The following HERC5 variants were observed in gnomAD, a reference collection of about 807,000 sequenced individuals.
HERC5 encodes HECT and RLD domain containing E3 ubiquitin protein ligase 5, also known as E3 ISG15--protein ligase HERC5.
Under a neutral mutation model 119.6 loss-of-function variants are expected in HERC5, and 99 were observed. The ratio of observed to expected loss-of-function variants is 0.83; its 90% CI spans 0.70 to 0.98. The LOEUF (loss-of-function observed/expected upper bound fraction) is 0.98, where lower values mean the gene tolerates loss of function less well. Among genes scored for constraint, HERC5 ranks in the 50% least tolerant of loss-of-function variants. The probability of loss-of-function intolerance (pLI) is 0.00; values close to 1 mark genes in which losing one functional copy is unlikely to be tolerated. For missense variants in HERC5, 1,267 were observed against 1,241.3 expected, an observed-to-expected ratio of 1.02 and a Z score of -0.31; for synonymous variants, 478 against 445.9, an observed-to-expected ratio of 1.07 and a Z score of -0.91.
intron 11 of HERC5, among the ~76,000 whole-genome samples, chr4:88,474,988 A>C (rs1234413937): frequency 7.2e-5 from 11 of 152,180 alleles, no homozygotes; most frequent in African/African-American, 2.7e-4. Context: ...AAACAGTTGC[A>C]TTCTGAATTG....
Position 88,475,962 on chromosome 4 carries a change from G to A in HERC5, c.1514G>A (p.Trp505Ter). ...CCTATGATGCATATTTCCAACAACT[G>A]GGAGAGCCTTGTGGTTCCATTTGCA... Reference protein sequence around the residue: ...ECPMMHISNNWESLVVPFAKV... With the variant: ...ECPMMHISNN Residue 505 changes from tryptophan to a stop codon, truncating the protein, a stop_gained, in exon 12 of 23, where the codon TGG (tryptophan) becomes TAG (stop). Coordinates refer to ENST00000264350, the MANE Select transcript of HERC5 (RefSeq NM_016323.4). LOFTEE classifies it high-confidence loss of function. The A allele has an allele frequency of 6.2e-7, 1 of 1,613,974 alleles. No homozygotes were observed. Among genetic ancestry groups the A allele is most frequent in the South Asian group, 1.1e-5 (1 of 91,068 alleles).
intron 17 of HERC5, 50 bp downstream of exon 17, chr4:88,493,205 C>G: frequency 6.5e-7 from 1 of 1,529,710 alleles, no homozygotes; most frequent in Non-Finnish European, 8.9e-7. Flanking sequence ...AAAAAGTACA[C>G]CATATACCAT....
At position 88,466,053 on chromosome 4, in the gene HERC5, G is replaced by C. The variant is rs868179537; in HGVS notation, c.912-1006G>C. On this transcript the variant is annotated intron_variant, in intron 6 of 22. Coordinates refer to ENST00000264350, the MANE Select transcript of HERC5 (RefSeq NM_016323.4). ...CATCTAGTCAGAGGAGTTCACCCAA[G>C]TCAAGACCAAGTCAAGAGTTGTTTT... 4.0e-5 allele frequency among the ~76,000 whole-genome samples: 6 copies of C among 150,552 alleles called. No individual in the cohort carries two copies. The South Asian group carries it at 8.4e-4, about 21-fold the overall frequency.
chr4:88,501,356 TG>T (rs1300847153), intron 20 of HERC5, among the ~76,000 whole-genome samples: 2 of 152,244 alleles, frequency 1.3e-5, no homozygotes, highest in Admixed American at 6.5e-5. Context: ...GGCAGGGACT[TG>T]GTATGTATTC....
At chr4:88,470,938 T>A (rs1740849834) in intron 10 of HERC5, among the ~76,000 whole-genome samples, 1 of 151,352 alleles carries the variant, frequency 6.6e-6, no homozygotes, top group Non-Finnish European at 1.5e-5. Flanking sequence ...TGTATTCTTT[T>A]AAAAAAAATG....
Position 88,500,820 on chromosome 4 carries a change from T to C in HERC5, c.2512-95T>C, listed in dbSNP as rs563362156. 9.4e-5 allele frequency: 90 copies of C among 960,206 alleles called. No individual in the cohort carries two copies. In the African/African-American group the frequency reaches 1.4e-3, roughly 14 times the overall value. The allele number at this position is 960,206 out of a possible 1,614,324, so 59.5% of individuals were successfully genotyped here. On this transcript the variant is annotated intron_variant, in intron 19 of 22. Coordinates refer to ENST00000264350, the MANE Select transcript of HERC5 (RefSeq NM_016323.4). ...TGACAAAAATGTACATTTTAACACATTCTTTTTAGAAAGTATGCTCCAAAG... is the reference window on the plus strand; with the variant it reads ...TGACAAAAATGTACATTTTAACACACTCTTTTTAGAAAGTATGCTCCAAAG...
At position 88,494,165 on chromosome 4, in the gene HERC5, C is replaced by A; in HGVS notation, c.2278C>A (p.Pro760Thr). ...TTAAGATTTTTTTTTCGCTTTTCAG[C>A]CTAAATTTGAGAAGAAAAGATACTT... ...GASCMWFPVK[P>T]KFEKKRYFFF... The change falls in exon 18 of 23, where the codon CCT becomes ACT. Residue 760 changes from proline (P) to threonine (T), a missense_variant and splice_region_variant. Physicochemically the swap from Pro to Thr is conservative, Grantham distance 38. This residue lies in a region of HERC5 where 473 missense variants were observed against 445.7 expected (regional missense o/e 1.06). Transcript: ENST00000264350. 6.3e-7 allele frequency: 1 copy of A among 1,593,220 alleles called. No homozygotes were observed. Among genetic ancestry groups the A allele is most frequent in the Non-Finnish European group, 8.5e-7 (1 of 1,172,120 alleles).
chr4:88,488,234 C>CTT (rs1233602413), intron 15 of HERC5, among the ~76,000 whole-genome samples: 21 of 136,660 alleles, frequency 1.5e-4, no homozygotes, highest in East Asian at 4.2e-4. Flanking sequence ...CTTTTTTTTT[C>CTT]TTTTTTTTTT....
chr4:88,481,391 C>T (rs926284781), intron 13 of HERC5, among the ~76,000 whole-genome samples: 1 of 151,726 alleles, frequency 6.6e-6, no homozygotes, highest in Non-Finnish European at 1.5e-5. Context: ...AGAATTCTTT[C>T]TATTTTGGAT....
intron 19 of HERC5, 57 bp from the exon 20 acceptor site, chr4:88,500,858 T>C: frequency 2.4e-6 from 3 of 1,247,492 alleles, no homozygotes; most frequent in South Asian, 1.3e-5. Flanking sequence ...TTTTTATTGA[T>C]GATAGATTGT....
chr4:88,494,416 C>T (rs1347233568), intron 18 of HERC5, 85 bp downstream of exon 18: 4 of 1,073,404 alleles, frequency 3.7e-6, no homozygotes, highest in Non-Finnish European at 5.4e-6. Context: ...ATAATATTTC[C>T]ATGTTCAACA....
intron 22 of HERC5, 145 bp downstream of exon 22, chr4:88,504,742 C>A: frequency 2.3e-6 from 1 of 432,156 alleles, no homozygotes; most frequent in Non-Finnish European, 4.2e-6. Context: ...GTCCCAACAT[C>A]AAAAAACAAA....
intron 11 of HERC5, among the ~76,000 whole-genome samples, chr4:88,475,178 A>T (rs1473160992): frequency 4.0e-5 from 3 of 74,626 alleles, no homozygotes; most frequent in Admixed American, 1.5e-4. Context: ...ATGCATTTTT[A>T]CTCTTGAAAA....
intron 13 of HERC5, among the ~76,000 whole-genome samples, chr4:88,485,237 A>G (rs1741419073): frequency 6.6e-6 from 1 of 152,200 alleles, no homozygotes; most frequent in Admixed American, 6.5e-5. Flanking sequence ...GTAATAGATA[A>G]TATCAGAATA....
At chr4:88,504,136 C>T (rs1742035044) in intron 20 of HERC5, 96 bp from the exon 21 acceptor site, 1 of 725,682 alleles carries the variant, frequency 1.4e-6, no homozygotes, top group Non-Finnish European at 2.3e-6. Flanking sequence ...GGTAGGTACT[C>T]AATAACTGTT....
At chr4:88,476,082 T>C in intron 12 of HERC5, 52 bp downstream of exon 12, 4 of 1,445,744 alleles carry the variant, frequency 2.8e-6, no homozygotes, top group Non-Finnish European at 3.8e-6. Flanking sequence ...TGGAAAGACA[T>C]GTCTAGTAAA....
In HERC5 at chr4:88,489,493, G is replaced by GACA. The variant is rs1741565281; in HGVS notation, c.2133+157_2133+158insACA. 1.3e-5 allele frequency among the ~76,000 whole-genome samples: 2 copies of GACA among 152,044 alleles called. 1 individual carries two copies. The highest frequency in any genetic ancestry group is 1.3e-4 in the Admixed American group (2 of 15,258). ...ATTCCCTAGTTGCCTTTGAGTTTTG[G>GACA]GTGATAGCTGTGGGCACTCACTCAG... On this transcript the variant is annotated intron_variant, in intron 16 of 22. Transcript: ENST00000264350.
intron 12 of HERC5, 70 bp downstream of exon 12, chr4:88,476,100 CA>C: frequency 8.3e-6 from 10 of 1,210,352 alleles, no homozygotes. Flanking sequence ...AAAGTTATGG[CA>C]AAACTAAGAT....
At chr4:88,497,107 A>G (rs1306491023) in intron 18 of HERC5, among the ~76,000 whole-genome samples, 6 of 152,346 alleles carry the variant, frequency 3.9e-5, no homozygotes, top group Admixed American at 2.6e-4. Context: ...ATTTCTATTT[A>G]TAGATTACCC....
Sources: allele counts gnomAD v4.1 joint callset (sites outside exome capture counted in the v4.1 genomes callset), GRCh38; gene constraint gnomAD v4.1.1; regional missense constraint gnomAD v4.1.1; transcripts MANE v1.5; gene names NCBI Gene and HGNC (gene_info 2026-07-23, HGNC 2026-07-21).